PHLDB2: variants seen among roughly 807,000 people sequenced by gnomAD.
PHLDB2 encodes pleckstrin homology-like domain family B member 2.
Under a neutral mutation model 123.6 loss-of-function variants are expected in PHLDB2, and 71 were observed. The observed-to-expected ratio is 0.57, with a 90% CI of 0.47 to 0.70. PHLDB2 has a LOEUF of 0.70. PHLDB2 is among the 30% of genes least tolerant of loss of function. PHLDB2 has a pLI of 0.00. For synonymous variants in PHLDB2, 547 were observed against 541.6 expected (o/e 1.01, Z -0.14); for missense variants, 1,446 against 1,519.5 (o/e 0.95, Z 0.80).
At position 111,896,367 on chromosome 3, in the gene PHLDB2, C is replaced by T. The variant is rs538395542; in HGVS notation, c.1335+10955C>T. Among the ~76,000 whole-genome samples, 83 of 148,664 alleles carry T rather than the reference C, an allele frequency of 5.6e-4. 1 individual carries two copies. The East Asian group carries it at 0.014, about 26-fold the overall frequency. On this transcript the variant is annotated intron_variant, in intron 2 of 17. Transcript: ENST00000431670. ...TCTTTTTTCTTCCCCCGCCCCGAGA[C>T]GGAGTCTCCCTCTGTTGCCCAGGCT...
chr3:111,944,897 T>C (rs1488572726), intron 8 of PHLDB2, among the ~76,000 whole-genome samples: 1 of 152,092 alleles, frequency 6.6e-6, no homozygotes, highest in Non-Finnish European at 1.5e-5. Context: ...ATGGTCTCAA[T>C]CTCGACCTCA....
At chr3:111,918,723 G>A (rs554242884) in intron 3 of PHLDB2, among the ~76,000 whole-genome samples, 2 of 152,300 alleles carry the variant, frequency 1.3e-5, no homozygotes, top group African/African-American at 4.8e-5. Flanking sequence ...GTCAGTTCTA[G>A]TTCTCTGTTA....
At chr3:111,836,054 A>G (rs548879285) in intron 1 of PHLDB2, among the ~76,000 whole-genome samples, 2 of 152,328 alleles carry the variant, frequency 1.3e-5, no homozygotes, top group South Asian at 2.1e-4. Context: ...TTGTAATACA[A>G]TCTGCCACAG....
chr3:111,737,837 C>T (rs1224582484), intron 1 of PHLDB2, among the ~76,000 whole-genome samples: 3 of 151,384 alleles, frequency 2.0e-5, no homozygotes, highest in East Asian at 1.9e-4. Context: ...GGCTGGAGCT[C>T]ATGTGTACTT....
chr3:111,841,989 G>C (rs552851524), intron 1 of PHLDB2, among the ~76,000 whole-genome samples: 1 of 152,294 alleles, frequency 6.6e-6, no homozygotes, highest in East Asian at 1.9e-4. Context: ...ACAGATCTAG[G>C]TCTGCATTTT....
At chr3:111,768,014 A>G (rs933671747) in intron 1 of PHLDB2, among the ~76,000 whole-genome samples, 1 of 152,098 alleles carries the variant, frequency 6.6e-6, no homozygotes, top group Admixed American at 6.6e-5. Flanking sequence ...ATTTGAAAAA[A>G]CAGAATCAGA....
At chr3:111,913,926 A>G in intron 3 of PHLDB2, 1 of 564,636 alleles carries the variant, frequency 1.8e-6, no homozygotes, top group Non-Finnish European at 3.0e-6. Context: ...AGTAGAAAGA[A>G]AGCACATTTC....
At chr3:111,852,062 A>G (rs998374635) in intron 2 of PHLDB2, among the ~76,000 whole-genome samples, 3 of 151,828 alleles carry the variant, frequency 2.0e-5, no homozygotes, top group Non-Finnish European at 2.9e-5. Context: ...TTTTTAGTAT[A>G]TATTACATTA....
At chr3:111,937,603 C>G (rs1242687912) in intron 6 of PHLDB2, among the ~76,000 whole-genome samples, 1 of 151,712 alleles carries the variant, frequency 6.6e-6, no homozygotes, top group Non-Finnish European at 1.5e-5. Context: ...TGGCAAAACC[C>G]CATTCTACAA....
chr3:111,760,802 T>C (rs1056619529), intron 1 of PHLDB2, among the ~76,000 whole-genome samples: 1 of 152,186 alleles, frequency 6.6e-6, no homozygotes, highest in African/African-American at 2.4e-5. Flanking sequence ...CAGTTTTAGT[T>C]GTTTTATCTT....
chr3:111,779,680 C>G (rs1349209902), intron 1 of PHLDB2, among the ~76,000 whole-genome samples: 3 of 152,012 alleles, frequency 2.0e-5, no homozygotes, highest in South Asian at 4.1e-4. Flanking sequence ...GGGCACTGGG[C>G]CCTTGATGGG....
chr3:111,880,661 A>G (rs576110861), intron 1 of PHLDB2, among the ~76,000 whole-genome samples: 10 of 142,920 alleles, frequency 7.0e-5, no homozygotes, highest in African/African-American at 2.1e-4. Flanking sequence ...CTTCCTTACT[A>G]GTGAATGTCC....
intron 1 of PHLDB2, among the ~76,000 whole-genome samples, chr3:111,861,073 G>T (rs1198822135): frequency 1.3e-5 from 2 of 152,186 alleles, no homozygotes; most frequent in Admixed American, 6.5e-5. Flanking sequence ...GTTTCAGAAG[G>T]TTAAACTTTT....
At chr3:111,939,675 T>G (rs776499233) in intron 7 of PHLDB2, 45 bp downstream of exon 7, 1 of 1,561,396 alleles carries the variant, frequency 6.4e-7, no homozygotes. Flanking sequence ...CAAAATATAT[T>G]TCTGCTTAAC....
chr3:111,900,839 G>T (rs2067152085), intron 2 of PHLDB2, among the ~76,000 whole-genome samples: 1 of 152,130 alleles, frequency 6.6e-6, no homozygotes, highest in Non-Finnish European at 1.5e-5. Flanking sequence ...AGATATGCCT[G>T]TAGTTACTTT....
chr3:111,963,656 T>C (rs2071562576), intron 13 of PHLDB2, among the ~76,000 whole-genome samples: 1 of 152,186 alleles, frequency 6.6e-6, no homozygotes, highest in Admixed American at 6.5e-5. Context: ...AATCCTATCA[T>C]CCTACAAATA....
intron 1 of PHLDB2, among the ~76,000 whole-genome samples, chr3:111,741,202 A>C (rs1169942945): frequency 6.6e-6 from 1 of 151,988 alleles, no homozygotes; most frequent in Non-Finnish European, 1.5e-5. Flanking sequence ...ACTTTCAAAA[A>C]CTCATCTCAT....
At chr3:111,757,304 G>C (rs1424763856) in intron 1 of PHLDB2, among the ~76,000 whole-genome samples, 1 of 152,024 alleles carries the variant, frequency 6.6e-6, no homozygotes, top group Non-Finnish European at 1.5e-5. Flanking sequence ...TGTAGATTTG[G>C]TCTTTTCACA....
intron 1 of PHLDB2, among the ~76,000 whole-genome samples, chr3:111,876,527 GAA>G: frequency 6.6e-6 from 1 of 152,204 alleles, no homozygotes; most frequent in South Asian, 2.1e-4. Context: ...GTAATTTAGA[GAA>G]AAGAGGTTAT....
Sources: allele counts gnomAD v4.1 joint callset (sites outside exome capture counted in the v4.1 genomes callset), GRCh38; gene constraint gnomAD v4.1.1; transcripts MANE v1.5; gene names NCBI Gene and HGNC (gene_info 2026-07-23, HGNC 2026-07-21).